Variants in TDRP observed in about 807,000 individuals in gnomAD.
TDRP encodes the protein testis development-related protein.
Under a neutral mutation model 10.5 loss-of-function variants are expected in TDRP, and 12 were observed. The observed-to-expected ratio is 1.15, with a 90% confidence interval of 0.73 to 1.86. The LOEUF is 1.86. Ranked by LOEUF, TDRP falls within the 40% of genes most tolerant of loss-of-function variation. The pLI, the probability that TDRP is intolerant of heterozygous loss-of-function variation, is 0.00. For missense variants in TDRP, 353 were observed against 229.2 expected, an observed-to-expected ratio of 1.54 and a Z score of -3.49; for synonymous variants, 139 against 95.4, an observed-to-expected ratio of 1.46 and a Z score of -2.67.
At chr8:513,968 T>C (rs1406928667) in intron 1 of TDRP, among the ~76,000 whole-genome samples, 2 of 152,222 alleles carry the variant, frequency 1.3e-5, no homozygotes, top group Admixed American at 6.5e-5. Context: ...ACTGGAAAAC[T>C]ACTCCACTGT....
intron 1 of TDRP, among the ~76,000 whole-genome samples, chr8:525,401 A>T (rs1241745717): frequency 6.6e-6 from 1 of 152,248 alleles, no homozygotes; most frequent in Non-Finnish European, 1.5e-5. Flanking sequence ...CTAAGTACAT[A>T]GAAAAACAGA....
intron 1 of TDRP, among the ~76,000 whole-genome samples, chr8:530,287 C>A (rs1255299998): frequency 6.6e-6 from 1 of 152,138 alleles, no homozygotes; most frequent in African/African-American, 2.4e-5. Context: ...TCACAGCATA[C>A]TAAGCTTCTT....
chr8:529,868 GT>G (rs1802141274), intron 1 of TDRP, among the ~76,000 whole-genome samples: 1 of 151,944 alleles, frequency 6.6e-6, no homozygotes. Flanking sequence ...CCTTTCTTTG[GT>G]TTCTTCCTAC....
intron 1 of TDRP, among the ~76,000 whole-genome samples, chr8:515,018 T>C (rs991500654): frequency 1.3e-5 from 2 of 152,212 alleles, no homozygotes; most frequent in African/African-American, 4.8e-5. Context: ...CTAATATGTA[T>C]GATTAAATAT....
At chr8:521,412 G>A (rs13249003) in intron 1 of TDRP, among the ~76,000 whole-genome samples, 91,366 of 151,378 alleles carry the variant, frequency 0.6, 27,912 homozygotes, top group Admixed American at 0.66. Context: ...GAGAGATGCC[G>A]TCCCAAAAAA....
At chr8:519,622 G>T (rs958623461) in intron 1 of TDRP, among the ~76,000 whole-genome samples, 2 of 152,028 alleles carry the variant, frequency 1.3e-5, no homozygotes. Flanking sequence ...CTTTCTCTAA[G>T]AGTTTGCTGT....
intron 2 of TDRP, 104 bp from the exon 3 acceptor site, chr8:492,848 T>C (rs1265138425): frequency 6.7e-6 from 6 of 900,352 alleles, no homozygotes; most frequent in Non-Finnish European, 9.7e-6. Flanking sequence ...AAAAATTGTT[T>C]AGAAAACTAA....
chr8:493,480 A>C (rs75760161), intron 2 of TDRP, among the ~76,000 whole-genome samples: 1,952 of 152,374 alleles, frequency 0.013, 47 homozygotes, highest in African/African-American at 0.045. Flanking sequence ...AGTGCACAGA[A>C]GTGCAGAGAA....
intron 1 of TDRP, among the ~76,000 whole-genome samples, chr8:497,413 G>T (rs983368033): frequency 6.6e-6 from 1 of 152,228 alleles, no homozygotes; most frequent in Non-Finnish European, 1.5e-5. Flanking sequence ...ACTAGAGGGA[G>T]ATGATTTAGG....
At chr8:508,289 AC>A (rs1417947500) in intron 1 of TDRP, among the ~76,000 whole-genome samples, 1 of 152,196 alleles carries the variant, frequency 6.6e-6, no homozygotes, top group Non-Finnish European at 1.5e-5. Flanking sequence ...AATTAAGTGA[AC>A]TTGAAGACAG....
intron 1 of TDRP, among the ~76,000 whole-genome samples, chr8:542,578 T>A (rs1277271427): frequency 6.6e-6 from 1 of 152,016 alleles, no homozygotes; most frequent in East Asian, 1.9e-4. Context: ...GATGTACAGA[T>A]AACAGGCCAG....
intron 2 of TDRP, 118 bp downstream of exon 2, chr8:494,376 C>A (rs539186617): frequency 1.5e-5 from 14 of 916,002 alleles, no homozygotes; most frequent in Non-Finnish European, 2.2e-5. Flanking sequence ...ATGGACTCGC[C>A]GCGCCCCACA....
At chr8:509,898 C>G (rs1801566471) in intron 1 of TDRP, among the ~76,000 whole-genome samples, 1 of 152,168 alleles carries the variant, frequency 6.6e-6, no homozygotes, top group South Asian at 2.1e-4. Flanking sequence ...TCCAAAATCA[C>G]TAAGCTAAAT....
Position 492,089 on chromosome 8 carries a change from G to T in TDRP, c.*310C>A. On this transcript the variant is annotated 3_prime_UTR_variant, in exon 3 of 3. Transcript: ENST00000324079. The stretch of plus-strand genomic sequence containing the variant: ...CAGAGCAGCATGAAAATCATTTTGT[G>T]AGAAACTGCAAATCATTACTGCTGT... 3 of 1,175,178 alleles carry T rather than the reference G, an allele frequency of 2.6e-6. No homozygotes were observed. The highest frequency in any genetic ancestry group is 3.1e-6 in the Non-Finnish European group (3 of 952,604). The allele number at this position is 1,175,178 out of a possible 1,614,324, so 72.8% of individuals were successfully genotyped here. A position where few individuals can be genotyped will look rare whatever the true frequency, so the allele number is the denominator to read the frequency against.
intron 1 of TDRP, among the ~76,000 whole-genome samples, chr8:530,550 C>G (rs1313910508): frequency 6.6e-6 from 1 of 152,108 alleles, no homozygotes; most frequent in South Asian, 2.1e-4. Context: ...CCTCTCAAAC[C>G]TTTTCTGGGG....
intron 1 of TDRP, among the ~76,000 whole-genome samples, chr8:500,792 C>T (rs1393283685): frequency 6.6e-6 from 1 of 152,150 alleles, no homozygotes; most frequent in Non-Finnish European, 1.5e-5. Context: ...ACAACCAGGG[C>T]AGGAAATAGC....
At chr8:494,044 T>A (rs1294579144) in intron 2 of TDRP, among the ~76,000 whole-genome samples, 1 of 142,268 alleles carries the variant, frequency 7.0e-6, no homozygotes, top group South Asian at 2.4e-4. Flanking sequence ...TGCCTCCGTC[T>A]CCCACAGGTT....
Position 492,167 on chromosome 8 carries a change from T to C in TDRP, c.*232A>G. Reference sequence around the variant, plus strand: ...TCTCCAGTTTCTGCAAAACATGGACTGATAGGTGAATATTTCTGCAATAAG... The same window carrying C: ...TCTCCAGTTTCTGCAAAACATGGACCGATAGGTGAATATTTCTGCAATAAG... On this transcript the variant is annotated 3_prime_UTR_variant, in exon 3 of 3. Coordinates refer to ENST00000324079, the MANE Select transcript of TDRP (RefSeq NM_001384899.1). 8.0e-7 allele frequency: 1 copy of C among 1,257,418 alleles called. No homozygotes were observed. The highest frequency in any genetic ancestry group is 3.7e-5 in the South Asian group (1 of 26,986). 77.9% of individuals were successfully genotyped at this position (1,257,418 alleles called of 1,614,324 possible).
intron 1 of TDRP, chr8:494,998 A>C (rs1240047849): frequency 6.3e-6 from 1 of 158,600 alleles, no homozygotes; most frequent in African/African-American, 2.4e-5. Flanking sequence ...TTAGGAAGCC[A>C]AGGCAGGAGG....
Sources: gnomAD v4.1 joint callset for allele counts (sites outside exome capture counted in the v4.1 genomes callset) on GRCh38, gnomAD v4.1.1 for gene constraint, MANE v1.5 for transcripts, NCBI Gene and HGNC (gene_info 2026-07-23, HGNC 2026-07-21) for gene names.